The following EPB41L4B variants were observed in gnomAD, a reference collection of about 807,000 sequenced individuals.
EPB41L4B encodes the protein band 4.1-like protein 4B.
A neutral mutation model predicts 112.5 loss-of-function variants in EPB41L4B; 30 were observed. The observed-to-expected ratio is 0.27, with a 90% CI of 0.20 to 0.36. The LOEUF (loss-of-function observed/expected upper bound fraction) is 0.36. EPB41L4B is among the 10% of genes least tolerant of loss of function. The probability of loss-of-function intolerance (pLI) is 1.00; values close to 1 mark genes in which losing one functional copy is unlikely to be tolerated. For synonymous variants in EPB41L4B, 408 were observed against 439.7 expected, an observed-to-expected ratio of 0.93 and a Z score of 0.90; for missense variants, 1,024 against 1,133.3, an observed-to-expected ratio of 0.90 and a Z score of 1.38.
chr9:109,207,723 T>C (rs1833032816), intron 18 of EPB41L4B, among the ~76,000 whole-genome samples: 1 of 152,198 alleles, frequency 6.6e-6, no homozygotes, highest in Non-Finnish European at 1.5e-5. Context: ...CTTCAAGTTC[T>C]CTTTTCACCC....
intron 15 of EPB41L4B, among the ~76,000 whole-genome samples, chr9:109,231,466 C>G (rs1408172742): frequency 6.6e-6 from 1 of 152,154 alleles, no homozygotes; most frequent in African/African-American, 2.4e-5. Flanking sequence ...TTTAATTCTC[C>G]TTAGGTAATT....
At chr9:109,228,138 TATCTA>T in intron 15 of EPB41L4B, among the ~76,000 whole-genome samples, 1 of 152,378 alleles carries the variant, frequency 6.6e-6, no homozygotes, top group African/African-American at 2.4e-5. Context: ...GTTTATACAT[TATCTA>T]GTGTTTCACC....
chr9:109,178,391 T>C (rs1172203388), intron 24 of EPB41L4B, among the ~76,000 whole-genome samples: 1 of 151,570 alleles, frequency 6.6e-6, no homozygotes, highest in Non-Finnish European at 1.5e-5. Flanking sequence ...TCTTCTTTTT[T>C]TTTTTTTTGA....
intron 3 of EPB41L4B, among the ~76,000 whole-genome samples, chr9:109,268,183 G>GT (rs1039857061): frequency 6.6e-6 from 1 of 152,168 alleles, no homozygotes; most frequent in African/African-American, 2.4e-5. Flanking sequence ...AGCACAGTTG[G>GT]TTTTTCAATA....
chr9:109,263,209 T>A (rs1835280896), intron 5 of EPB41L4B, 107 bp from the exon 6 acceptor site: 1 of 748,108 alleles, frequency 1.3e-6, no homozygotes, highest in Middle Eastern at 3.8e-4. Context: ...AGATAATGAC[T>A]TGTATTCTTA....
At chr9:109,313,581 A>G (rs1030794829) in intron 1 of EPB41L4B, among the ~76,000 whole-genome samples, 40 of 152,238 alleles carry the variant, frequency 2.6e-4, no homozygotes, top group Non-Finnish European at 5.1e-4. Context: ...CTGAGGTCAC[A>G]TCAACAAGAC....
chr9:109,210,647 T>C (rs10979751), intron 17 of EPB41L4B, among the ~76,000 whole-genome samples: 2,320 of 152,360 alleles, frequency 0.015, 36 homozygotes, highest in Non-Finnish European at 0.021. Context: ...TATTCTGCTA[T>C]ATGAACTGAC....
intron 3 of EPB41L4B, among the ~76,000 whole-genome samples, 178 bp from the exon 4 acceptor site, chr9:109,267,729 T>C (rs907062707): frequency 2.0e-5 from 3 of 152,202 alleles, no homozygotes; most frequent in East Asian, 3.9e-4. Flanking sequence ...CTGAGATGGA[T>C]GGACTTTTGT....
At chr9:109,178,998 T>C (rs1407550352) in intron 24 of EPB41L4B, among the ~76,000 whole-genome samples, 1 of 151,676 alleles carries the variant, frequency 6.6e-6, no homozygotes, top group East Asian at 1.9e-4. Context: ...ATCTGTTTTT[T>C]AATATTTGTT....
chr9:109,264,920 T>A (rs1835345121), intron 5 of EPB41L4B, 60 bp downstream of exon 5: 1 of 1,448,952 alleles, frequency 6.9e-7, no homozygotes, highest in Admixed American at 2.5e-5. Flanking sequence ...AAACAGTGAA[T>A]TATTTTGAAA....
intron 16 of EPB41L4B, 140 bp downstream of exon 16, chr9:109,216,782 G>T: frequency 2.3e-6 from 2 of 857,902 alleles, no homozygotes; most frequent in Non-Finnish European, 3.8e-6. Context: ...GTCTACTCTG[G>T]CCCAAACCCG....
chr9:109,281,333 G>A (rs1203562156), intron 1 of EPB41L4B, among the ~76,000 whole-genome samples: 1 of 152,150 alleles, frequency 6.6e-6, no homozygotes, highest in Non-Finnish European at 1.5e-5. Context: ...ATGAAAAGAT[G>A]CTCAGCATCA....
At chr9:109,209,907 G>A (rs776738605) in intron 17 of EPB41L4B, among the ~76,000 whole-genome samples, 2 of 152,234 alleles carry the variant, frequency 1.3e-5, no homozygotes, top group Non-Finnish European at 2.9e-5. Flanking sequence ...TTGACAGCCA[G>A]AAATGGTGAT....
At chr9:109,222,848 C>CT (rs1421502605) in intron 15 of EPB41L4B, among the ~76,000 whole-genome samples, 1 of 152,136 alleles carries the variant, frequency 6.6e-6, no homozygotes, top group Non-Finnish European at 1.5e-5. Context: ...GACACTGGGG[C>CT]TTAGTGAAAG....
intron 15 of EPB41L4B, chr9:109,241,828 G>T: frequency 6.2e-7 from 1 of 1,613,778 alleles, no homozygotes; most frequent in Non-Finnish European, 8.5e-7. Context: ...TTTGCAGAGC[G>T]AATGGTTAGT....
At chr9:109,317,542 T>C (rs1837679186) in intron 1 of EPB41L4B, among the ~76,000 whole-genome samples, 1 of 152,226 alleles carries the variant, frequency 6.6e-6, no homozygotes, top group South Asian at 2.1e-4. Context: ...GAGGGTGTTA[T>C]TGTGTTCCAG....
intron 13 of EPB41L4B, among the ~76,000 whole-genome samples, chr9:109,248,951 C>T (rs1186601904): frequency 6.6e-6 from 1 of 150,954 alleles, no homozygotes; most frequent in Non-Finnish European, 1.5e-5. Context: ...CCCAGCTACT[C>T]GGGAGGCTGA....
At chr9:109,188,080 C>T (rs1028976303) in intron 22 of EPB41L4B, among the ~76,000 whole-genome samples, 5 of 152,158 alleles carry the variant, frequency 3.3e-5, no homozygotes, top group Non-Finnish European at 7.3e-5. Context: ...TTCATCTGTA[C>T]ATGCTTGGCT....
At chr9:109,182,892 T>A in intron 23 of EPB41L4B, 95 bp from the exon 24 acceptor site, 2 of 851,178 alleles carry the variant, frequency 2.3e-6, no homozygotes, top group Admixed American at 1.9e-5. Flanking sequence ...AACCAAAGGA[T>A]TCAGGGGTGC....
Sources: allele counts gnomAD v4.1 joint callset (sites outside exome capture counted in the v4.1 genomes callset), GRCh38; gene constraint gnomAD v4.1.1; transcripts MANE v1.5; gene names NCBI Gene and HGNC (gene_info 2026-07-23, HGNC 2026-07-21).